The following NUP43 variants were observed in gnomAD, a reference collection of about 807,000 sequenced individuals.
NUP43 encodes nucleoporin 43, also known as nucleoporin Nup43.
In NUP43, 32 loss-of-function variants were observed where a neutral mutation model predicts 47.3. The observed-to-expected ratio is 0.68, with a 90% CI of 0.51 to 0.91. NUP43 has a LOEUF of 0.91. Ranked by LOEUF, NUP43 falls within the 40% of genes least tolerant of loss-of-function variation. The pLI is 0.00. For missense variants in NUP43, 444 were observed against 453.9 expected (o/e 0.98, Z 0.20); for synonymous variants, 147 against 158.4 (o/e 0.93, Z 0.54).
Position 149,735,988 on chromosome 6 carries a change from A to C in NUP43, c.790+483T>G, listed in dbSNP as rs1482100810. Among the ~76,000 whole-genome samples, 168 of 145,934 alleles carry C rather than the reference A, an allele frequency of 1.2e-3. 2 individuals are homozygous for C. Among genetic ancestry groups the C allele is most frequent in the African/African-American group, 4.1e-3 (162 of 39,386 alleles). On this transcript the variant is annotated intron_variant, in intron 6 of 7. Transcript: ENST00000340413. ...ACCCTGTCTCTTTAAAAAAAAAAAA[A>C]AAAAAAAAACCAGGCACGGCGGCTC...
chr6:149,733,836 T>G (rs576572186), intron 6 of NUP43, among the ~76,000 whole-genome samples: 113 of 152,088 alleles, frequency 7.4e-4, no homozygotes, highest in African/African-American at 2.3e-3. Flanking sequence ...GTTTTGTTTT[T>G]TTTTTGAGAC....
At chr6:149,745,789 G>A (rs1562386240) in intron 2 of NUP43, 151 bp downstream of exon 2, 2 of 565,810 alleles carry the variant, frequency 3.5e-6, no homozygotes, top group East Asian at 5.9e-5. Flanking sequence ...GCCACTAAAT[G>A]GCTAAATGAT....
Position 149,725,860 on chromosome 6 carries a change from TA to T in NUP43, c.*1108del, listed in dbSNP as rs1337486323. On this transcript the variant is annotated 3_prime_UTR_variant, in exon 8 of 8. Coordinates refer to ENST00000340413, the MANE Select transcript of NUP43 (RefSeq NM_198887.3). Reference sequence around the variant, plus strand: ...AACACTATAGGTGGCTAAAACAAAGTAAAAGGATCAAAATGGCAAAATTCTT... The same window carrying T: ...AACACTATAGGTGGCTAAAACAAAGTAAAGGATCAAAATGGCAAAATTCTT... 1.3e-5 allele frequency: 2 copies of T among 152,128 alleles called. No individual in the cohort carries two copies. Among genetic ancestry groups the T allele is most frequent in the African/African-American group, 4.8e-5 (2 of 41,420 alleles). The allele number at this position is 152,128 out of a possible 1,614,324, so 9.4% of individuals were successfully genotyped here.
intron 7 of NUP43, among the ~76,000 whole-genome samples, chr6:149,730,726 T>TTCAA (rs1245301987): frequency 2.7e-5 from 4 of 150,744 alleles, no homozygotes; most frequent in African/African-American, 9.8e-5. Context: ...AGCTCAGGAG[T>TTCAA]TTGAGAGCAG....
At chr6:149,739,700 C>A (rs1248685593) in intron 4 of NUP43, among the ~76,000 whole-genome samples, 1 of 152,168 alleles carries the variant, frequency 6.6e-6, no homozygotes, top group East Asian at 1.9e-4. Context: ...CCCAATCTTA[C>A]TTCCCACTAG....
At chr6:149,738,929 A>T (rs1785500735) in intron 4 of NUP43, 151 bp from the exon 5 acceptor site, 1 of 418,888 alleles carries the variant, frequency 2.4e-6, no homozygotes, top group East Asian at 3.7e-5. Flanking sequence ...GTTAATGTAT[A>T]TGTTTAAATG....
At position 149,726,059 on chromosome 6, in the gene NUP43, A is replaced by G. The variant is rs1021794980; in HGVS notation, c.*910T>C. On this transcript the variant is annotated 3_prime_UTR_variant, in exon 8 of 8. Transcript: ENST00000340413. ...AAAGTTGGGTCTAACAAGCTGAAAGAGTTCTGCTCAAAAACCTATTCTGAA... is the reference window on the plus strand; with the variant it reads ...AAAGTTGGGTCTAACAAGCTGAAAGGGTTCTGCTCAAAAACCTATTCTGAA... 3 of 152,214 alleles carry G rather than the reference A, an allele frequency of 2.0e-5. No homozygotes were observed. The highest frequency in any genetic ancestry group is 2.0e-4 in the Admixed American group (3 of 15,262). The allele number at this position is 152,214 out of a possible 1,614,324, so 9.4% of individuals were successfully genotyped here.
At chr6:149,739,781 T>C (rs763505844) in intron 4 of NUP43, among the ~76,000 whole-genome samples, 6 of 152,174 alleles carry the variant, frequency 3.9e-5, no homozygotes, top group Non-Finnish European at 5.9e-5. Context: ...TCTAACCTTG[T>C]ATTATTCTGC....
At chr6:149,743,328 G>A (rs550895759) in intron 3 of NUP43, among the ~76,000 whole-genome samples, 71 of 151,942 alleles carry the variant, frequency 4.7e-4, no homozygotes, top group Non-Finnish European at 9.3e-4. Context: ...GGCTGGGCGC[G>A]GTGGCTCACA....
rs1784811867 is a variant in NUP43, at chr6:149,726,901, T to C, written c.*68A>G. 8.3e-7 allele frequency: 1 copy of C among 1,202,746 alleles called. No homozygotes were observed. Among genetic ancestry groups the C allele is most frequent in the African/African-American group, 1.5e-5 (1 of 65,326 alleles). 74.5% of individuals were successfully genotyped at this position (1,202,746 alleles called of 1,614,324 possible). ...TCTCGTATTTTCTGATACTAAAATT[T>C]TGCACAGAAGTTGGATTTCAAAAGG... On this transcript the variant is annotated 3_prime_UTR_variant, in exon 8 of 8. Coordinates refer to ENST00000340413, the MANE Select transcript of NUP43 (RefSeq NM_198887.3).
chr6:149,729,430 C>T (rs983269283), intron 7 of NUP43: 10 of 607,806 alleles, frequency 1.6e-5, no homozygotes, highest in African/African-American at 1.0e-4. Flanking sequence ...GACTGGAAGG[C>T]GGAAGGGAGA....
chr6:149,747,508 G>A (rs1000671058), upstream of NUP43, among the ~76,000 whole-genome samples: 11 of 148,820 alleles, frequency 7.4e-5, no homozygotes, highest in Non-Finnish European at 1.5e-5. Context: ...GGCTGGTCTC[G>A]AACTCTTGAC....
At chr6:149,729,926 T>C (rs1250797499) in intron 7 of NUP43, among the ~76,000 whole-genome samples, 1 of 151,318 alleles carries the variant, frequency 6.6e-6, no homozygotes. Context: ...ACTTGGAAAA[T>C]GCAAAAACAC....
At chr6:149,735,611 A>C (rs1172706475) in intron 6 of NUP43, among the ~76,000 whole-genome samples, 3 of 150,304 alleles carry the variant, frequency 2.0e-5, no homozygotes, top group Non-Finnish European at 4.4e-5. Context: ...AAAAAAAAAA[A>C]AAAAAAAAAC....
chr6:149,746,540 C>A, upstream of NUP43: 1 of 1,613,816 alleles, frequency 6.2e-7, no homozygotes, highest in Admixed American at 1.7e-5. Context: ...AAGCACAGTA[C>A]GCGCCTCTCA....
intron 6 of NUP43, among the ~76,000 whole-genome samples, chr6:149,736,251 T>C (rs541937702): frequency 6.6e-5 from 10 of 152,240 alleles, no homozygotes; most frequent in South Asian, 4.1e-4. Flanking sequence ...CACTCCAGCC[T>C]GGGCAACAAG....
rs1436043266 is a variant in NUP43 at position 149,727,065 on chromosome 6, C to T, written c.1047G>A (p.Arg349=). 1.9e-6 allele frequency: 3 copies of T among 1,614,008 alleles called. No individual in the cohort carries two copies. Among genetic ancestry groups the T allele is most frequent in the Admixed American group, 3.3e-5 (2 of 59,982 alleles). ...CATCCAAAGTGTTCACAGACAGAGA[C>T]CTACTGGGAAGTAAGCTTGTGATTT... ...RIEITSLLPS[R]SLSVNTLDVL... is the part of the protein sequence containing the mutation. The change falls in exon 8 of 8, where the codon AGG becomes AGA. Residue 349 remains arginine (R), a synonymous_variant. Transcript: ENST00000340413.
chr6:149,734,699 G>A (rs935121882), intron 6 of NUP43, among the ~76,000 whole-genome samples: 2 of 151,240 alleles, frequency 1.3e-5, no homozygotes, highest in African/African-American at 4.9e-5. Context: ...TAGGGAGGCT[G>A]AGGCAGAAGA....
At chr6:149,727,357 C>T (rs1784836451) in intron 7 of NUP43, 159 bp from the exon 8 acceptor site, 1 of 981,938 alleles carries the variant, frequency 1.0e-6, no homozygotes, top group African/African-American at 1.7e-5. Flanking sequence ...CCACTTTGGA[C>T]CAAAGGCTTA....
Sources: allele counts gnomAD v4.1 joint callset (sites outside exome capture counted in the v4.1 genomes callset), GRCh38; gene constraint gnomAD v4.1.1; transcripts MANE v1.5; gene names NCBI Gene and HGNC (gene_info 2026-07-23, HGNC 2026-07-21).